CXADR: variants seen among roughly 807,000 people sequenced by gnomAD.
The protein encoded by CXADR is CXADR cell adhesion molecule, also known as coxsackievirus and adenovirus receptor.
A neutral mutation model predicts 40.3 loss-of-function variants in CXADR; 20 were observed. That is an observed-to-expected ratio of 0.50 (90% CI 0.35 to 0.72). The LOEUF (loss-of-function observed/expected upper bound fraction) is 0.72. Ranked by LOEUF, CXADR falls within the 30% of genes least tolerant of loss-of-function variation. CXADR has a pLI of 0.01. For missense variants in CXADR, 332 were observed against 449.1 expected, an observed-to-expected ratio of 0.74 and a Z score of 2.36; for synonymous variants, 150 against 161.3, an observed-to-expected ratio of 0.93 and a Z score of 0.53.
At chr21:17,609,095 C>A in the CXADR span, 2 of 1,613,988 alleles carry the variant, frequency 1.2e-6, no homozygotes, top group Non-Finnish European at 1.7e-6. Context: ...ATCATGTTTT[C>A]GAACTAGCCT....
chr21:17,560,684 T>C lies in CXADR; in HGVS notation c.572-18T>C. Reference sequence around the variant, plus strand: ...ATACTATAAAAATGAGTTTGTTTTCTTTTTCCTCCTTCCATAGAAATGACT... The same window carrying C: ...ATACTATAAAAATGAGTTTGTTTTCCTTTTCCTCCTTCCATAGAAATGACT... On this transcript the variant is annotated intron_variant, in intron 4 of 6. Coordinates refer to ENST00000284878, the MANE Select transcript of CXADR (RefSeq NM_001338.5). 6.2e-7 allele frequency: 1 copy of C among 1,607,788 alleles called. No homozygotes were observed. The highest frequency in any genetic ancestry group is 8.5e-7 in the Non-Finnish European group (1 of 1,176,558).
chr21:17,531,023 G>C (rs1034491733), intron 1 of CXADR, among the ~76,000 whole-genome samples: 8 of 152,016 alleles, frequency 5.3e-5, no homozygotes, highest in Admixed American at 2.0e-4. Flanking sequence ...GTTGCGGTCA[G>C]GCGCAGTGGC....
intron 7 of CXADR, among the ~76,000 whole-genome samples, chr21:17,590,598 G>A (rs1369880038): frequency 6.6e-6 from 1 of 151,986 alleles, no homozygotes; most frequent in Non-Finnish European, 1.5e-5. Context: ...AGTGCCATAT[G>A]CAATGCAGGG....
At chr21:17,604,302 G>A in the CXADR span, 10 of 243,336 alleles carry the variant, frequency 4.1e-5, no homozygotes, top group African/African-American at 1.2e-4. Flanking sequence ...AAAATTAGCC[G>A]GGCACAGTGG....
intron 1 of CXADR, among the ~76,000 whole-genome samples, chr21:17,521,022 T>G (rs76631814): frequency 0.022 from 3,313 of 152,220 alleles, 131 homozygotes; most frequent in African/African-American, 0.076. Context: ...GATACAGACT[T>G]GAGAATTCAC....
chr21:17,593,952 T>C, downstream of CXADR: 1 of 1,024,922 alleles, frequency 9.8e-7, no homozygotes, highest in South Asian at 2.0e-5. Flanking sequence ...AAGATTATTC[T>C]CAATAACTTC....
intron 1 of CXADR, among the ~76,000 whole-genome samples, chr21:17,516,139 T>C (rs1461701364): frequency 6.6e-6 from 1 of 152,206 alleles, no homozygotes. Context: ...TACATACCTA[T>C]ATATTCAATC....
At chr21:17,572,580 G>A (rs1035967858), downstream of CXADR, among the ~76,000 whole-genome samples, 3 of 152,078 alleles carry the variant, frequency 2.0e-5, no homozygotes, top group African/African-American at 7.2e-5. Context: ...CGCTGAATAG[G>A]TCTAGGGTGA....
chr21:17,521,779 A>G (rs1163175611), intron 1 of CXADR, among the ~76,000 whole-genome samples: 1 of 152,338 alleles, frequency 6.6e-6, no homozygotes, highest in East Asian at 1.9e-4. Flanking sequence ...AAGCCAGCAG[A>G]TAAAGACTCT....
At chr21:17,598,863 C>T in the CXADR span, 2 of 1,546,334 alleles carry the variant, frequency 1.3e-6, no homozygotes, top group Non-Finnish European at 1.8e-6. Context: ...CTTGAAGTCA[C>T]ATCAGCAAAG....
chr21:17,616,372 G>C, the CXADR span, among the ~76,000 whole-genome samples: 10 of 110,368 alleles, frequency 9.1e-5, no homozygotes, highest in South Asian at 2.9e-3. Context: ...GTCTTTCTCT[G>C]TTGCCCAGGC....
chr21:17,592,828 C>CT (rs1040867083), intron 7 of CXADR, among the ~76,000 whole-genome samples: 52 of 151,908 alleles, frequency 3.4e-4, no homozygotes, highest in African/African-American at 1.0e-3. Flanking sequence ...AGAAAAGTCT[C>CT]TAAGGTTTAA....
intron 1 of CXADR, among the ~76,000 whole-genome samples, chr21:17,542,694 G>T (rs977811757): frequency 2.0e-5 from 3 of 152,154 alleles, no homozygotes; most frequent in Non-Finnish European, 2.9e-5. Flanking sequence ...ATAATGTGCC[G>T]CATATTTTAT....
At chr21:17,539,694 A>G (rs1276448960) in intron 1 of CXADR, among the ~76,000 whole-genome samples, 5 of 152,252 alleles carry the variant, frequency 3.3e-5, no homozygotes, top group Non-Finnish European at 5.9e-5. Flanking sequence ...GCACTTCTGT[A>G]TATTAATGTA....
At position 17,551,808 on chromosome 21, in the gene CXADR, A is replaced by G. The variant is rs1486659969; in HGVS notation, c.270A>G (p.Arg90=). ...ACTACTATCCAGATCTGAAAGGCCG[A>G]GTACATTTTACGAGTAATGATCTCA... ...YDDYYPDLKG[R]VHFTSNDLKS... is the part of the protein sequence containing the mutation. Residue 90 remains arginine (R), a synonymous_variant, in exon 3 of 7, where the codon CGA becomes CGG. Transcript: ENST00000284878. 1.2e-6 allele frequency: 2 copies of G among 1,613,882 alleles called. No individual in the cohort carries two copies. The highest frequency in any genetic ancestry group is 1.7e-5 in the Admixed American group (1 of 60,018).
the CXADR span, chr21:17,605,246 C>T: frequency 3.1e-6 from 1 of 321,378 alleles, no homozygotes; most frequent in Non-Finnish European, 5.7e-6. Flanking sequence ...TCAGTCTACC[C>T]AGAGACTTGA....
At chr21:17,540,349 A>G (rs2060811888) in intron 1 of CXADR, among the ~76,000 whole-genome samples, 2 of 152,320 alleles carry the variant, frequency 1.3e-5, no homozygotes, top group South Asian at 4.1e-4. Flanking sequence ...TATATTTATT[A>G]GTATACATTA....
chr21:17,555,337 CA>C (rs2061020806), intron 3 of CXADR, among the ~76,000 whole-genome samples: 1 of 152,202 alleles, frequency 6.6e-6, no homozygotes, highest in Non-Finnish European at 1.5e-5. Context: ...AAGGGATTTG[CA>C]AACCATTGAT....
At chr21:17,573,156 C>T (rs2061292326), downstream of CXADR, among the ~76,000 whole-genome samples, 1 of 152,050 alleles carries the variant, frequency 6.6e-6, no homozygotes, top group African/African-American at 2.4e-5. Context: ...ATCTCTCTTC[C>T]CTCTATGCAT....
Sources: gnomAD v4.1 joint callset for allele counts (sites outside exome capture counted in the v4.1 genomes callset) on GRCh38, gnomAD v4.1.1 for gene constraint, MANE v1.5 for transcripts, NCBI Gene and HGNC (gene_info 2026-07-23, HGNC 2026-07-21) for gene names.